The following NWD2 variants were observed in gnomAD, a reference collection of about 807,000 sequenced individuals.
NWD2 encodes NACHT and WD repeat domain containing 2, also known as NACHT and WD repeat domain-containing protein 2.
In NWD2, 37 loss-of-function variants were observed where a neutral mutation model predicts 132.7. That is an observed-to-expected ratio of 0.28 (90% CI 0.21 to 0.37). The LOEUF (loss-of-function observed/expected upper bound fraction) is 0.37. NWD2 is among the 10% of genes least tolerant of loss of function. The pLI, the probability that NWD2 is intolerant of heterozygous loss-of-function variation, is 1.00. For missense variants in NWD2, 1,592 were observed against 2,122.4 expected (o/e 0.75, Z 4.91); for synonymous variants, 705 against 803.0 (o/e 0.88, Z 2.06).
chr4:37,404,700 G>T (rs1188640303), intron 3 of NWD2, among the ~76,000 whole-genome samples: 1 of 152,188 alleles, frequency 6.6e-6, no homozygotes, highest in Non-Finnish European at 1.5e-5. Flanking sequence ...CTGGCTCGTG[G>T]TTCCACAGGC....
At chr4:37,282,809 GT>G in intron 1 of NWD2, among the ~76,000 whole-genome samples, 1 of 152,220 alleles carries the variant, frequency 6.6e-6, no homozygotes, top group African/African-American at 2.4e-5. Flanking sequence ...AATCATCAAA[GT>G]TGTATTTAGT....
chr4:37,389,757 G>C (rs553860181), intron 3 of NWD2, among the ~76,000 whole-genome samples: 40 of 151,218 alleles, frequency 2.6e-4, no homozygotes, highest in Non-Finnish European at 5.4e-4. Flanking sequence ...AATAACTTTG[G>C]ATGTAAAATT....
intron 3 of NWD2, among the ~76,000 whole-genome samples, chr4:37,400,154 A>G (rs1720872833): frequency 6.6e-6 from 1 of 152,196 alleles, no homozygotes; most frequent in African/African-American, 2.4e-5. Flanking sequence ...ATCCCTTACC[A>G]TTAGTTTGCC....
chr4:37,444,517 G>A lies in NWD2; in HGVS notation c.2529G>A (p.Arg843=). ...KMSELLYHLT[R]CGKTDDLLYG... ...CTGAGCTGTTGTACCACTTGACGAG[G>A]TGTGGAAAAACCGATGACCTGCTTT... Residue 843 remains arginine (R), a synonymous_variant, in exon 7 of 7, where the codon AGG becomes AGA. Transcript: ENST00000309447. This position sits in a 1 kb window ranked among gnomAD's most constrained non-coding sequence, Gnocchi z 4.8. The A allele has an allele frequency of 2.6e-6, 4 of 1,551,772 alleles. 1 individual carries two copies. The South Asian group carries it at 4.8e-5, about 18-fold the overall frequency.
intron 3 of NWD2, among the ~76,000 whole-genome samples, chr4:37,372,894 A>G (rs1334562379): frequency 1.3e-5 from 2 of 152,254 alleles, no homozygotes; most frequent in Non-Finnish European, 2.9e-5. Context: ...ATACAGACTT[A>G]TATTTTGAAT....
At chr4:37,399,150 C>T (rs1384574894) in intron 3 of NWD2, among the ~76,000 whole-genome samples, 1 of 152,182 alleles carries the variant, frequency 6.6e-6, no homozygotes, top group African/African-American at 2.4e-5. Context: ...ATGAGGTCCA[C>T]ATATGAAGGT....
Position 37,273,692 on chromosome 4 carries a change from C to T in NWD2, c.151+28474C>T, listed in dbSNP as rs951747780. ...CCACATAGTTGGAAGTAAAGCACTC[C>T]TCAGCAAATGTAAAAGGACAGAAAT... On this transcript the variant is annotated intron_variant, in intron 1 of 6. Coordinates refer to ENST00000309447, the MANE Select transcript of NWD2 (RefSeq NM_001144990.2). Among the ~76,000 whole-genome samples the T allele has an allele frequency of 2.0e-5, 3 of 152,098 alleles. No individual in the cohort carries two copies. In the South Asian group the frequency reaches 6.2e-4, roughly 31 times the overall value.
chr4:37,294,142 A>C (rs1718426317), intron 1 of NWD2, among the ~76,000 whole-genome samples: 1 of 152,142 alleles, frequency 6.6e-6, no homozygotes. Flanking sequence ...GAGTTGATGC[A>C]ATAAGACAAA....
chr4:37,358,775 T>C (rs773807976), intron 3 of NWD2, among the ~76,000 whole-genome samples: 1 of 152,248 alleles, frequency 6.6e-6, no homozygotes, highest in African/African-American at 2.4e-5. Context: ...TTGTTTCTTA[T>C]TGTGTATTAT....
chr4:37,425,832 T>C (rs1238771663), intron 3 of NWD2, among the ~76,000 whole-genome samples: 1 of 152,232 alleles, frequency 6.6e-6, no homozygotes, highest in Non-Finnish European at 1.5e-5. Flanking sequence ...CAGAGAAGGA[T>C]GCCTTCTTGC....
chr4:37,373,258 G>A (rs1377131231), intron 3 of NWD2, among the ~76,000 whole-genome samples: 3 of 152,168 alleles, frequency 2.0e-5, no homozygotes, highest in Non-Finnish European at 4.4e-5. Flanking sequence ...GAGGTTCATG[G>A]TCATAACTAC....
In NWD2 at chr4:37,355,212, G is replaced by A. The variant is rs149398170; in HGVS notation, c.241-1154G>A. Among the ~76,000 whole-genome samples, 333 of 152,190 alleles carry A rather than the reference G, an allele frequency of 2.2e-3. 4 individuals are homozygous for A. Among genetic ancestry groups the A allele is most frequent in the African/African-American group, 7.4e-3 (308 of 41,516 alleles). On this transcript the variant is annotated intron_variant, in intron 2 of 6. Transcript: ENST00000309447. ...ACCTTCTTTGATGTCATCTTTCTTCGTATTGTGTGATTAAACTTTGTAAGA... is the reference window on the plus strand; with the variant it reads ...ACCTTCTTTGATGTCATCTTTCTTCATATTGTGTGATTAAACTTTGTAAGA...
intron 3 of NWD2, among the ~76,000 whole-genome samples, chr4:37,409,722 A>G (rs1721117673): frequency 6.6e-6 from 1 of 152,160 alleles, no homozygotes; most frequent in African/African-American, 2.4e-5. Context: ...ACCAAGGTTG[A>G]AATGAAGGAA....
At chr4:37,404,722 C>T (rs1356939095) in intron 3 of NWD2, among the ~76,000 whole-genome samples, 3 of 152,202 alleles carry the variant, frequency 2.0e-5, no homozygotes, top group Admixed American at 1.3e-4. Context: ...GTACAGGAAG[C>T]ATGGCGACAT....
chr4:37,325,185 A>G (rs572131132), intron 1 of NWD2, among the ~76,000 whole-genome samples: 5 of 152,302 alleles, frequency 3.3e-5, no homozygotes, highest in African/African-American at 7.2e-5. Context: ...CATTAAATGC[A>G]TACATGTTTT....
At chr4:37,363,859 C>T (rs1012216116) in intron 3 of NWD2, among the ~76,000 whole-genome samples, 2 of 152,072 alleles carry the variant, frequency 1.3e-5, no homozygotes, top group Non-Finnish European at 2.9e-5. Context: ...CGCAGTGGCT[C>T]AGGCCTGTAA....
intron 3 of NWD2, among the ~76,000 whole-genome samples, chr4:37,428,508 C>T (rs1201950504): frequency 6.6e-6 from 1 of 152,194 alleles, no homozygotes; most frequent in Non-Finnish European, 1.5e-5. Context: ...GTTTTATTAG[C>T]TTAAACCAGA....
chr4:37,274,350 C>A (rs13111245), intron 1 of NWD2, among the ~76,000 whole-genome samples: 1 of 151,858 alleles, frequency 6.6e-6, no homozygotes, highest in Non-Finnish European at 1.5e-5. Flanking sequence ...ATAAATTCCT[C>A]GACACATACA....
intron 1 of NWD2, among the ~76,000 whole-genome samples, chr4:37,325,285 A>T (rs1337406231): frequency 6.6e-6 from 1 of 152,184 alleles, no homozygotes; most frequent in East Asian, 1.9e-4. Context: ...CAGAAGGTTT[A>T]CATGGTATGA....
Sources: gnomAD v4.1 joint callset for allele counts (sites outside exome capture counted in the v4.1 genomes callset) on GRCh38, gnomAD v4.1.1 for gene constraint, Gnocchi (gnomAD v3.1) non-coding constraint, MANE v1.5 for transcripts, NCBI Gene and HGNC (gene_info 2026-07-23, HGNC 2026-07-21) for gene names.